DNAJC16: variants seen among roughly 807,000 people sequenced by gnomAD.
The protein encoded by DNAJC16 is dnaJ homolog subfamily C member 16.
In DNAJC16, 76 loss-of-function variants were observed where a neutral mutation model predicts 92.7. The observed-to-expected ratio is 0.82, with a 90% CI of 0.68 to 0.99. DNAJC16 has a LOEUF of 0.99. Among genes scored for constraint, DNAJC16 ranks in the 50% least tolerant of loss-of-function variants. The pLI is 0.00. For synonymous variants in DNAJC16, 328 were observed against 358.7 expected, an observed-to-expected ratio of 0.91 and a Z score of 0.97; for missense variants, 869 against 942.4, an observed-to-expected ratio of 0.92 and a Z score of 1.02.
Position 15,546,825 on chromosome 1 carries a change from A to T in DNAJC16, c.818A>T (p.His273Leu). 1 of 1,613,742 alleles carries T rather than the reference A, an allele frequency of 6.2e-7. No individual in the cohort carries two copies. Among genetic ancestry groups the T allele is most frequent in the South Asian group, 1.1e-5 (1 of 91,028 alleles). Residue 273 changes from histidine (H) to leucine (L), a missense_variant, in exon 6 of 15, where the codon CAT becomes CTT. Physicochemically the swap from His to Leu is moderately conservative, Grantham distance 99. Transcript: ENST00000375847. The part of the protein sequence containing the change: ...LSGWQQENKP[H>L]VLLFDQTPIV... ...GGCTGGCAGCAAGAGAATAAGCCTCATGTCCTTCTGTTTGACCAAACGCCC... is the reference window on the plus strand; with the variant it reads ...GGCTGGCAGCAAGAGAATAAGCCTCTTGTCCTTCTGTTTGACCAAACGCCC...
rs778443197 is a variant in DNAJC16 at position 15,564,032 on chromosome 1, A to G, written c.1442A>G (p.Tyr481Cys). 29 of 1,613,854 alleles carry G rather than the reference A, an allele frequency of 1.8e-5. 1 individual carries two copies. In the Middle Eastern group the frequency reaches 3.8e-3, roughly 211 times the overall value. ...SESDKFILLGYLDQLRKDPAL... is the reference protein window; with the variant it reads ...SESDKFILLGCLDQLRKDPAL... ...AGTGACAAATTTATCCTCTTGGGCTATCTCGACCAGCTGCGTAAAGATCCA... is the reference window on the plus strand; with the variant it reads ...AGTGACAAATTTATCCTCTTGGGCTGTCTCGACCAGCTGCGTAAAGATCCA... Residue 481 changes from tyrosine to cysteine, a missense_variant, in exon 10 of 15, where the codon TAT (tyrosine) becomes TGT (cysteine). Tyr to Cys is a radical substitution (Grantham distance 194). Transcript: ENST00000375847.
chr1:15,542,855 G>A (rs1710964709), intron 4 of DNAJC16, among the ~76,000 whole-genome samples: 1 of 152,232 alleles, frequency 6.6e-6, no homozygotes, highest in Non-Finnish European at 1.5e-5. Flanking sequence ...CAGCTACTCA[G>A]GTGGCTGAGG....
chr1:15,535,568 T>C (rs1420026290), intron 3 of DNAJC16, among the ~76,000 whole-genome samples: 1 of 151,876 alleles, frequency 6.6e-6, no homozygotes, highest in African/African-American at 2.4e-5. Flanking sequence ...CTAGACAACA[T>C]GGTGAAAAAT....
intron 2 of DNAJC16, among the ~76,000 whole-genome samples, chr1:15,532,036 CT>C (rs1177514911): frequency 6.6e-6 from 1 of 152,176 alleles, no homozygotes; most frequent in Non-Finnish European, 1.5e-5. Flanking sequence ...TTTGACTTTA[CT>C]TTTTCCCTTA....
intron 4 of DNAJC16, among the ~76,000 whole-genome samples, chr1:15,537,052 C>T (rs1432607720): frequency 6.6e-6 from 1 of 152,018 alleles, no homozygotes; most frequent in African/African-American, 2.4e-5. Flanking sequence ...GGTTTCACCA[C>T]GTTGGCCAGG....
chr1:15,534,410 G>T, intron 3 of DNAJC16, 107 bp downstream of exon 3: 1 of 1,137,928 alleles, frequency 8.8e-7, no homozygotes, highest in Non-Finnish European at 1.3e-6. Context: ...CCATGCCCTT[G>T]ATGCAGTTTC....
intron 2 of DNAJC16, among the ~76,000 whole-genome samples, chr1:15,531,083 C>CT (rs1710650028): frequency 6.6e-6 from 1 of 152,144 alleles, no homozygotes; most frequent in South Asian, 2.1e-4. Context: ...CATCAGTAGT[C>CT]CATTGCTTTA....
At chr1:15,565,365 C>A in intron 11 of DNAJC16, 1 of 160,462 alleles carries the variant, frequency 6.2e-6, no homozygotes, top group Non-Finnish European at 1.4e-5. Flanking sequence ...ACCATGAGCC[C>A]CTGAAGGACA....
Position 15,567,256 on chromosome 1 carries a change from T to A in DNAJC16, c.1936T>A (p.Tyr646Asn). Residue 646 changes from tyrosine to asparagine, a missense_variant, in exon 14 of 15, where the codon TAC becomes AAC. Coordinates refer to ENST00000375847, the MANE Select transcript of DNAJC16 (RefSeq NM_015291.4). ...ACTACAGAAATTTGCTTTGGAGGTC[T>A]ACACATTTACTGGGTAAGCATGTGT... Reference protein sequence around the residue: ...SLLQKFALEVYTFTGSSCLHF... With the variant: ...SLLQKFALEVNTFTGSSCLHF... 1 of 1,613,730 alleles carries A rather than the reference T, an allele frequency of 6.2e-7. No homozygotes were observed.
rs968223638 is a variant in DNAJC16 at position 15,536,923 on chromosome 1, T to A, written c.574+109T>A. The A allele has an allele frequency of 2.2e-5, 21 of 947,464 alleles. No individual in the cohort carries two copies. The South Asian group carries it at 4.1e-4, about 18-fold the overall frequency. The allele number at this position is 947,464 out of a possible 1,614,324, so 58.7% of individuals were successfully genotyped here. ...TGGAGTACAGTGGTGTGATCTCGGC[T>A]CACTGCAACCTCCACCTCCCGGGTT... On this transcript the variant is annotated intron_variant, in intron 4 of 14. Coordinates refer to ENST00000375847, the MANE Select transcript of DNAJC16 (RefSeq NM_015291.4).
Position 15,536,779 on chromosome 1 carries a change from T to C in DNAJC16, c.539T>C (p.Val180Ala). The part of the protein sequence containing the change: ...WCFSCIHIEP[V>A]WKEVIQELEE... ...TTTAGCTGCATTCATATCGAGCCTGTGTGGAAAGAAGTCATTCAAGAACTG... is the reference window on the plus strand; with the variant it reads ...TTTAGCTGCATTCATATCGAGCCTGCGTGGAAAGAAGTCATTCAAGAACTG... Residue 180 changes from valine to alanine, a missense_variant, in exon 4 of 15, where the codon GTG becomes GCG. Physicochemically the swap from Val to Ala is moderately conservative, Grantham distance 64. Transcript: ENST00000375847. 6.2e-7 allele frequency: 1 copy of C among 1,610,050 alleles called. No individual in the cohort carries two copies. Among genetic ancestry groups the C allele is most frequent in the Non-Finnish European group, 8.5e-7 (1 of 1,178,584 alleles).
chr1:15,553,568 ATTAT>A (rs1638497757), intron 7 of DNAJC16, among the ~76,000 whole-genome samples: 1 of 152,178 alleles, frequency 6.6e-6, no homozygotes, highest in South Asian at 2.1e-4. Context: ...ACATTTTAAA[ATTAT>A]TTATTGACAT....
At chr1:15,557,725 C>A (rs1332580361) in intron 7 of DNAJC16, among the ~76,000 whole-genome samples, 1 of 150,160 alleles carries the variant, frequency 6.7e-6, no homozygotes, top group Admixed American at 6.7e-5. Flanking sequence ...GATAGGCGTT[C>A]TTGTTTTGGT....
chr1:15,532,733 G>GAAAC (rs1710688609), intron 2 of DNAJC16, among the ~76,000 whole-genome samples: 1 of 150,408 alleles, frequency 6.6e-6, no homozygotes. Context: ...GAAATGCTTT[G>GAAAC]GAGTCTCCAT....
intron 4 of DNAJC16, among the ~76,000 whole-genome samples, chr1:15,544,008 G>A (rs16851781): frequency 0.011 from 1,684 of 152,124 alleles, 22 homozygotes; most frequent in African/African-American, 0.031. Flanking sequence ...TACATTTATC[G>A]GCCTTTAATA....
In DNAJC16 at chr1:15,536,616, T is replaced by C; in HGVS notation, c.376T>C (p.Phe126Leu). Residue 126 changes from phenylalanine to leucine, a missense_variant, in exon 4 of 15, where the codon TTT (phenylalanine) becomes CTT (leucine). By Grantham distance (22) the Phe-to-Leu change is conservative (BLOSUM62 0). Transcript: ENST00000375847. ...HENFYFDESF[F>L]HFPFNSERRD... is the part of the protein sequence containing the mutation. ...AAATTTTTATTTTGATGAATCCTTT[T>C]TTCACTTCCCTTTTAATTCTGAACG... The C allele has an allele frequency of 6.2e-7, 1 of 1,614,150 alleles. No individual in the cohort carries two copies. The highest frequency in any genetic ancestry group is 1.3e-5 in the African/African-American group (1 of 75,026).
At chr1:15,553,738 C>A (rs1003017464) in intron 7 of DNAJC16, among the ~76,000 whole-genome samples, 8 of 152,266 alleles carry the variant, frequency 5.3e-5, no homozygotes, top group South Asian at 2.1e-4. Context: ...TTACCTCCTT[C>A]CCAAAGGTCA....
chr1:15,565,973 C>T lies in DNAJC16; in HGVS notation c.1653C>T (p.Phe551=), dbSNP rs555387198. The T allele has an allele frequency of 2.5e-5, 41 of 1,613,760 alleles. No individual in the cohort carries two copies. The highest frequency in any genetic ancestry group is 4.5e-5 in the East Asian group (2 of 44,860). Residue 551 remains phenylalanine, a synonymous_variant, in exon 12 of 15, where the codon TTC becomes TTT. Coordinates refer to ENST00000375847, the MANE Select transcript of DNAJC16 (RefSeq NM_015291.4). ...TCTTCTCTGCCCTCTTCATCCTCTT[C>T]GGCACTGTCATCGTTCAGGCTTTCA... ...SLIFSALFIL[F]GTVIVQAFSD...
intron 2 of DNAJC16, among the ~76,000 whole-genome samples, chr1:15,532,970 C>T (rs1198567667): frequency 6.6e-6 from 1 of 151,884 alleles, no homozygotes; most frequent in Non-Finnish European, 1.5e-5. Context: ...TTTTTTATTC[C>T]AATGTGCTTG....
Sources: gnomAD v4.1 joint callset for allele counts (sites outside exome capture counted in the v4.1 genomes callset) on GRCh38, gnomAD v4.1.1 for gene constraint, MANE v1.5 for transcripts, NCBI Gene and HGNC (gene_info 2026-07-23, HGNC 2026-07-21) for gene names.